Variants in ARHGEF10L observed in about 807,000 individuals in gnomAD.
ARHGEF10L encodes the protein rho guanine nucleotide exchange factor 10-like protein.
In ARHGEF10L, 69 loss-of-function variants were observed where a neutral mutation model predicts 141.2. That is an observed-to-expected ratio of 0.49 (90% CI 0.40 to 0.60). The LOEUF (loss-of-function observed/expected upper bound fraction) is 0.60, where lower values mean the gene tolerates loss of function less well. Among genes scored for constraint, ARHGEF10L ranks in the 20% least tolerant of loss-of-function variants. ARHGEF10L has a pLI of 0.00. For synonymous variants in ARHGEF10L, 711 were observed against 718.5 expected, an observed-to-expected ratio of 0.99 and a Z score of 0.17; for missense variants, 1,482 against 1,734.3, an observed-to-expected ratio of 0.85 and a Z score of 2.58.
chr1:17,521,184 CTGTT>C, the ARHGEF10L span, among the ~76,000 whole-genome samples: 1 of 152,092 alleles, frequency 6.6e-6, no homozygotes, highest in Non-Finnish European at 1.5e-5. Context: ...GGAGAGCTCA[CTGTT>C]TTGTTTTGTT....
chr1:17,626,015 C>A lies in ARHGEF10L; in HGVS notation c.1377C>A (p.Ile459=). ...TCTACGGGCTGATGGTCAAGCCCAT[C>A]CAGAGGTTCCCACAGTTCATACTCC... is the stretch of plus-strand genomic sequence containing the variant. ...VTLYGLMVKP[I]QRFPQFILLL... is the part of the protein sequence containing the mutation. The change falls in exon 14 of 29, where the codon ATC becomes ATA. Residue 459 remains isoleucine (I), a synonymous_variant. Coordinates refer to ENST00000361221, the MANE Select transcript of ARHGEF10L (RefSeq NM_018125.4). The A allele has an allele frequency of 6.2e-7, 1 of 1,614,008 alleles. No individual in the cohort carries two copies. Among genetic ancestry groups the A allele is most frequent in the South Asian group, 1.1e-5 (1 of 91,084 alleles).
chr1:17,674,817 C>A (rs545453782), intron 26 of ARHGEF10L, among the ~76,000 whole-genome samples: 1 of 152,292 alleles, frequency 6.6e-6, no homozygotes, highest in Non-Finnish European at 1.5e-5. Context: ...GTTACAGTCG[C>A]CTGCAGTGTT....
intron 7 of ARHGEF10L, among the ~76,000 whole-genome samples, chr1:17,612,369 C>A (rs2059591283): frequency 6.6e-6 from 1 of 152,226 alleles, no homozygotes; most frequent in South Asian, 2.1e-4. Context: ...TCTCTTCATC[C>A]ATCCATCTGT....
At chr1:17,645,395 A>C (rs1248518157) in intron 21 of ARHGEF10L, among the ~76,000 whole-genome samples, 1 of 151,948 alleles carries the variant, frequency 6.6e-6, no homozygotes, top group African/African-American at 2.4e-5. Context: ...AATACGTATG[A>C]ATAAATTGCC....
chr1:17,601,064 A>AC (rs1557789024), intron 4 of ARHGEF10L, among the ~76,000 whole-genome samples: 1,728 of 148,342 alleles, frequency 0.012, 48 homozygotes, highest in African/African-American at 0.041. Flanking sequence ...AAAAAAAAAA[A>AC]AAAACAAAAA....
chr1:17,575,240 G>A (rs1408393129), intron 1 of ARHGEF10L, among the ~76,000 whole-genome samples: 2 of 152,196 alleles, frequency 1.3e-5, no homozygotes, highest in Admixed American at 6.5e-5. Context: ...CACCACCCAT[G>A]CTCTTTGAAA....
At chr1:17,685,369 C>T (rs781519381) in intron 26 of ARHGEF10L, among the ~76,000 whole-genome samples, 8 of 152,190 alleles carry the variant, frequency 5.3e-5, no homozygotes, top group African/African-American at 1.4e-4. Flanking sequence ...CCCCCCACCA[C>T]GGGTCCCTCT....
intron 26 of ARHGEF10L, among the ~76,000 whole-genome samples, chr1:17,683,054 A>G (rs1569614273): frequency 6.6e-6 from 1 of 152,230 alleles, no homozygotes; most frequent in Non-Finnish European, 1.5e-5. Context: ...CAGCAAGACC[A>G]GTGAGCAGTG....
chr1:17,660,870 G>A (rs2062581535), intron 25 of ARHGEF10L, among the ~76,000 whole-genome samples: 1 of 152,206 alleles, frequency 6.6e-6, no homozygotes, highest in Admixed American at 6.5e-5. Context: ...GGGGTGGAAA[G>A]GGCGGGGCTC....
chr1:17,616,981 C>G (rs945746212), intron 9 of ARHGEF10L, among the ~76,000 whole-genome samples: 2 of 152,164 alleles, frequency 1.3e-5, no homozygotes, highest in East Asian at 3.9e-4. Flanking sequence ...CTTATCCTCA[C>G]CACACAAGGC....
chr1:17,532,397 C>G, the ARHGEF10L span, among the ~76,000 whole-genome samples: 1 of 152,282 alleles, frequency 6.6e-6, no homozygotes, highest in East Asian at 1.9e-4. Context: ...CTCCCCTTGG[C>G]TCAGCAGACA....
At position 17,664,433 on chromosome 1, in the gene ARHGEF10L, C is replaced by G. The variant is rs761629980; in HGVS notation, c.2861-14C>G. On this transcript the variant is annotated splice_polypyrimidine_tract_variant and intron_variant, in intron 25 of 28. Transcript: ENST00000361221. ...GCTCCTGGCCCCTGACCTGCCTCCC[C>G]TCTCTCCCTGCAGGAGGTGTCCTGT... is the stretch of plus-strand genomic sequence containing the variant. 6.3e-7 allele frequency: 1 copy of G among 1,599,888 alleles called. No homozygotes were observed. The highest frequency in any genetic ancestry group is 2.2e-5 in the East Asian group (1 of 44,734).
In ARHGEF10L at chr1:17,566,264, C is replaced by A. The variant is rs571726343; in HGVS notation, c.-43-14289C>A. Among the ~76,000 whole-genome samples, 4 of 152,286 alleles carry A rather than the reference C, an allele frequency of 2.6e-5. No individual in the cohort carries two copies. The South Asian group carries it at 6.2e-4, about 24-fold the overall frequency. On this transcript the variant is annotated intron_variant, in intron 1 of 28. Transcript: ENST00000361221. ...TGTTTAGCGGCTTCCCTGGCTTCCA[C>A]CCACCAGATGCCAGTAGTGTCCCCC...
chr1:17,644,489 TG>T lies in ARHGEF10L; in HGVS notation c.2273-4063del, dbSNP rs942236398. On this transcript the variant is annotated intron_variant, in intron 21 of 28. Transcript: ENST00000361221. The surrounding 1 kb of genome is among the most constrained non-coding windows in gnomAD (Gnocchi z 4.5). ...TGGTTTTACCCCAGCTGGGAGACTG[TG>T]GCTACTTGCTTGGCCTCCCTGGACA... 6.6e-5 allele frequency among the ~76,000 whole-genome samples: 10 copies of T among 152,196 alleles called. No homozygotes were observed. Among genetic ancestry groups the T allele is most frequent in the Admixed American group, 5.2e-4 (8 of 15,282 alleles).
chr1:17,643,941 A>G (rs1244840582), intron 21 of ARHGEF10L, among the ~76,000 whole-genome samples: 2 of 152,182 alleles, frequency 1.3e-5, no homozygotes, highest in Non-Finnish European at 2.9e-5. Flanking sequence ...TGCAGATGGA[A>G]GGTCCCAGAG....
Position 17,697,047 on chromosome 1 carries a change from G to A in ARHGEF10L, c.3507G>A (p.Lys1169=), listed in dbSNP as rs1036778699. The stretch of plus-strand genomic sequence containing the variant: ...TGGGCCGAGAGCTGACCCGCAAGAA[G>A]GGCATCCTCTTGCAGTACCGCCTGC... ...SHVGRELTRK[K]GILLQYRLRS... is the part of the protein sequence containing the mutation. Residue 1169 remains lysine, a synonymous_variant, in exon 29 of 29, where the codon AAG becomes AAA. Coordinates refer to ENST00000361221, the MANE Select transcript of ARHGEF10L (RefSeq NM_018125.4). This position sits in a 1 kb window ranked among gnomAD's most constrained non-coding sequence, Gnocchi z 4.8. 4.4e-6 allele frequency: 7 copies of A among 1,604,190 alleles called. No homozygotes were observed. The highest frequency in any genetic ancestry group is 1.3e-5 in the African/African-American group (1 of 74,804).
chr1:17,632,214 C>G (rs1207852664), intron 15 of ARHGEF10L, 107 bp from the exon 16 acceptor site: 3 of 1,455,760 alleles, frequency 2.1e-6, no homozygotes, highest in Middle Eastern at 2.4e-4. Context: ...CTCCACCTCT[C>G]CCAGCCTCAG....
At chr1:17,609,234 G>T (rs745323809) in intron 7 of ARHGEF10L, among the ~76,000 whole-genome samples, 4 of 152,200 alleles carry the variant, frequency 2.6e-5, no homozygotes, top group Non-Finnish European at 5.9e-5. Context: ...CATGCTGGCC[G>T]GAGGAACACC....
intron 4 of ARHGEF10L, among the ~76,000 whole-genome samples, chr1:17,599,502 C>T (rs1179385592): frequency 6.6e-6 from 1 of 152,172 alleles, no homozygotes; most frequent in African/African-American, 2.4e-5. Flanking sequence ...ACGTCTGTTC[C>T]AGCCGGAAGA....
Sources: gnomAD v4.1 joint callset for allele counts (sites outside exome capture counted in the v4.1 genomes callset) on GRCh38, gnomAD v4.1.1 for gene constraint, Gnocchi (gnomAD v3.1) non-coding constraint, MANE v1.5 for transcripts, NCBI Gene and HGNC (gene_info 2026-07-23, HGNC 2026-07-21) for gene names.